The following GBGT1 variants were observed in gnomAD, a reference collection of about 807,000 sequenced individuals.
GBGT1 encodes the protein globoside alpha-1,3-N-acetylgalactosaminyltransferase 1 (FORS blood group), also known as globoside alpha-1,3-N-acetylgalactosaminyltransferase 1.
In GBGT1, 18 loss-of-function variants were observed where a neutral mutation model predicts 20.9. That is an observed-to-expected ratio of 0.86 (90% confidence interval 0.60 to 1.28). GBGT1 has a LOEUF of 1.28. Ranked by LOEUF, GBGT1 falls within the 50% of genes most tolerant of loss-of-function variation. The pLI is 0.00. For synonymous variants in GBGT1, 168 were observed against 180.8 expected (o/e 0.93, Z 0.57); for missense variants, 432 against 455.7 (o/e 0.95, Z 0.47).
At position 133,154,423 on chromosome 9, in the gene GBGT1, G is replaced by A. The variant is rs914508827; in HGVS notation, c.360-162C>T. ...TCCTCATTTGTCCAATTCCCAAAAT[G>A]CTAGTACCAGCCTCTTACGGCTGTT... On this transcript the variant is annotated intron_variant, in intron 6 of 6. Coordinates refer to ENST00000372040, the MANE Select transcript of GBGT1 (RefSeq NM_021996.6). This position sits in a 1 kb window ranked among gnomAD's most constrained non-coding sequence, Gnocchi z 4.2. The A allele has an allele frequency of 6.2e-6, 3 of 486,278 alleles. No homozygotes were observed. Among genetic ancestry groups the A allele is most frequent in the East Asian group, 6.2e-5 (2 of 32,372 alleles). The allele number at this position is 486,278 out of a possible 1,614,324, so 30.1% of individuals were successfully genotyped here. A position where few individuals can be genotyped will look rare whatever the true frequency, so the allele number is the denominator to read the frequency against.
At chr9:133,157,348 T>A (rs1832903028) in intron 3 of GBGT1, among the ~76,000 whole-genome samples, 3 of 151,278 alleles carry the variant, frequency 2.0e-5, no homozygotes, top group Admixed American at 2.0e-4. Flanking sequence ...CCTATCTGAG[T>A]TTCAGCTGCT....
In GBGT1 at chr9:133,155,277, G is replaced by A. The variant is rs185276552; in HGVS notation, c.260C>T (p.Ala87Val). 43 of 1,613,878 alleles carry A rather than the reference G, an allele frequency of 2.7e-5. No homozygotes were observed. The highest frequency in any genetic ancestry group is 3.0e-5 in the Non-Finnish European group (35 of 1,179,872). Reference protein sequence around the residue: ...TQLLTLTPWLAPIVSEGTFNP... With the variant: ...TQLLTLTPWLVPIVSEGTFNP... ...GAAGGTTCCCTCGGAGACGATGGGC[G>A]CCAACCAGGGTGTGAGTGTCAGCAG... The change falls in exon 6 of 7, where the codon GCG becomes GTG. Residue 87 changes from alanine to valine, a missense_variant. Ala to Val is a moderately conservative substitution (Grantham distance 64). Coordinates refer to ENST00000372040, the MANE Select transcript of GBGT1 (RefSeq NM_021996.6).
intron 3 of GBGT1, among the ~76,000 whole-genome samples, chr9:133,159,341 A>G (rs918522574): frequency 1.3e-5 from 2 of 152,334 alleles, no homozygotes; most frequent in Admixed American, 6.5e-5. Context: ...ACAAGAAAGC[A>G]TGTTTCAGGG....
intron 3 of GBGT1, 65 bp downstream of exon 3, chr9:133,161,402 T>G: frequency 1.1e-6 from 1 of 945,932 alleles, no homozygotes; most frequent in Non-Finnish European, 1.6e-6. Context: ...TTAAATACTC[T>G]CCTGTCTCCC....
chr9:133,158,957 CT>C (rs547491265), intron 3 of GBGT1, among the ~76,000 whole-genome samples: 40 of 149,740 alleles, frequency 2.7e-4, no homozygotes, highest in Middle Eastern at 3.4e-3. Context: ...TTAGTAGCTA[CT>C]TTTTTTTTTC....
In GBGT1 at chr9:133,163,627, G is replaced by C. The variant is rs144302908; in HGVS notation, c.-121+127C>G. 320 of 152,760 alleles carry C rather than the reference G, an allele frequency of 2.1e-3. 5 individuals are homozygous for C. In the East Asian group the frequency reaches 0.056, roughly 27 times the overall value. The allele number at this position is 152,760 out of a possible 1,614,324, so 9.5% of individuals were successfully genotyped here. The stretch of plus-strand genomic sequence containing the variant: ...GCGCCGCCGGCCCCAGTCCGTGGTC[G>C]GGACCCGGGACCCTGGGTCCGAGAT... On this transcript the variant is annotated intron_variant, in intron 1 of 6. Coordinates refer to ENST00000372040, the MANE Select transcript of GBGT1 (RefSeq NM_021996.6).
chr9:133,154,699 C>A lies in GBGT1; in HGVS notation c.360-438G>T, dbSNP rs568087086. 1.5e-4 allele frequency: 26 copies of A among 175,994 alleles called. No homozygotes were observed. The highest frequency in any genetic ancestry group is 2.2e-4 in the Non-Finnish European group (18 of 83,684). The allele number at this position is 175,994 out of a possible 1,614,324, so 10.9% of individuals were successfully genotyped here. ...ATGGAGGGGGGTGTGGTTGACACAGCCCTGCCCCCAGGCCAAAACTCATTG... is the reference window on the plus strand; with the variant it reads ...ATGGAGGGGGGTGTGGTTGACACAGACCTGCCCCCAGGCCAAAACTCATTG... On this transcript the variant is annotated intron_variant, in intron 6 of 6. Transcript: ENST00000372040. The surrounding 1 kb of genome is among the most constrained non-coding windows in gnomAD (Gnocchi z 4.2).
chr9:133,157,044 G>A (rs558318359), intron 3 of GBGT1, among the ~76,000 whole-genome samples: 3 of 152,320 alleles, frequency 2.0e-5, no homozygotes, highest in Admixed American at 6.5e-5. Flanking sequence ...AGCACTTTGG[G>A]GGCCCAACGC....
chr9:133,153,864 C>T lies in GBGT1; in HGVS notation c.757G>A (p.Asp253Asn), dbSNP rs559657174. The T allele has an allele frequency of 1.2e-6, 2 of 1,600,486 alleles. No individual in the cohort carries two copies. Among genetic ancestry groups the T allele is most frequent in the Admixed American group, 1.7e-5 (1 of 59,482 alleles). ...CCATAATAGAAGTCCCCTTCGCTGT[C>T]TGCCACAAAGGCAGTGGAAACACGC... ...RRRVSTAFVA[D>N]SEGDFYYGGA... The change falls in exon 7 of 7, where the codon GAC becomes AAC. Residue 253 changes from aspartate to asparagine, a missense_variant. Transcript: ENST00000372040.
rs77791418 is a variant in GBGT1 at position 133,157,064 on chromosome 9, G to T, written c.138-999C>A. Among the ~76,000 whole-genome samples the T allele has an allele frequency of 1.1e-3, 165 of 152,146 alleles. 2 individuals are homozygous for T. The East Asian group carries it at 0.028, about 26-fold the overall frequency. Reference sequence around the variant, plus strand: ...TTTGGGGGCCCAACGCGGGCAAAGCGCTTGAGCCCAGTAGTTCAAGACCAG... The same window carrying T: ...TTTGGGGGCCCAACGCGGGCAAAGCTCTTGAGCCCAGTAGTTCAAGACCAG... On this transcript the variant is annotated intron_variant, in intron 3 of 6. Coordinates refer to ENST00000372040, the MANE Select transcript of GBGT1 (RefSeq NM_021996.6).
At chr9:133,162,599 T>A in intron 1 of GBGT1, 67 bp from the exon 2 acceptor site, 1 of 604,242 alleles carries the variant, frequency 1.7e-6, no homozygotes, top group Non-Finnish European at 3.0e-6. Context: ...TGGAGTGCAG[T>A]GGCGCAATCT....
In GBGT1 at chr9:133,155,161, C is replaced by A; in HGVS notation, c.359+17G>T. On this transcript the variant is annotated intron_variant, in intron 6 of 6. Coordinates refer to ENST00000372040, the MANE Select transcript of GBGT1 (RefSeq NM_021996.6). ...GCTCAGGGAGACCTCCCTCCCCTTC[C>A]CCAGCCCACTACTCACTTCCCCACG... 6.2e-7 allele frequency: 1 copy of A among 1,611,520 alleles called. No individual in the cohort carries two copies. Among genetic ancestry groups the A allele is most frequent in the South Asian group, 1.1e-5 (1 of 91,024 alleles).
intron 4 of GBGT1, 34 bp downstream of exon 4, chr9:133,155,981 A>C (rs775740988): frequency 6.2e-7 from 1 of 1,613,668 alleles, no homozygotes; most frequent in South Asian, 1.1e-5. Context: ...CACCACCCTC[A>C]CGGCCACAAA....
At chr9:133,156,166 C>A in intron 3 of GBGT1, 101 bp from the exon 4 acceptor site, 1 of 1,326,922 alleles carries the variant, frequency 7.5e-7, no homozygotes, top group Non-Finnish European at 1.1e-6. Flanking sequence ...GGTGGGCACC[C>A]AGGGTCCATG....
intron 6 of GBGT1, 92 bp downstream of exon 6, chr9:133,155,086 G>T: frequency 8.4e-7 from 1 of 1,194,674 alleles, no homozygotes; most frequent in Non-Finnish European, 1.2e-6. Flanking sequence ...GCCCAGCAGG[G>T]TCCTGTGTGC....
rs56707169 is a variant in GBGT1, at chr9:133,160,281, TATAATA to T, written c.137+1180_137+1185del. The T allele has an allele frequency of 4.6e-3, 667 of 144,080 alleles. 2 individuals are homozygous for T. Among genetic ancestry groups the T allele is most frequent in the Non-Finnish European group, 7.0e-3 (467 of 66,630 alleles). The allele number at this position is 144,080 out of a possible 1,614,324, so 8.9% of individuals were successfully genotyped here. ...GTGGCAAAGCGAGACTCTGTCTCAATATAATAATAATAATAATAATAATAATAATAA... is the reference window on the plus strand; with the variant it reads ...GTGGCAAAGCGAGACTCTGTCTCAATATAATAATAATAATAATAATAATAA... On this transcript the variant is annotated intron_variant, in intron 3 of 6. Transcript: ENST00000372040.
chr9:133,162,636 G>A (rs1833090542), intron 1 of GBGT1, 104 bp from the exon 2 acceptor site: 9 of 562,496 alleles, frequency 1.6e-5, no homozygotes, highest in East Asian at 8.9e-5. Context: ...CTTCTCTTGG[G>A]TTCAAGCGAT....
chr9:133,157,053 G>A (rs1166787114), intron 3 of GBGT1, among the ~76,000 whole-genome samples: 1 of 152,168 alleles, frequency 6.6e-6, no homozygotes, highest in African/African-American at 2.4e-5. Flanking sequence ...GGGGCCCAAC[G>A]CGGGCAAAGC....
In GBGT1 at chr9:133,153,364, CT is replaced by C. The variant is rs777689467; in HGVS notation, c.*212del. ...CTTTGTAACTGCGCCTCCCCTCCCC[CT>C]GTCTCACTGTTCCCATGCCGCGTTA... is the stretch of plus-strand genomic sequence containing the variant. On this transcript the variant is annotated 3_prime_UTR_variant, in exon 7 of 7. Transcript: ENST00000372040. 6.1e-4 allele frequency: 243 copies of C among 395,474 alleles called. No homozygotes were observed. The highest frequency in any genetic ancestry group is 9.0e-4 in the Non-Finnish European group (201 of 224,048). The allele number at this position is 395,474 out of a possible 1,614,324, so 24.5% of individuals were successfully genotyped here. A position where few individuals can be genotyped will look rare whatever the true frequency, so the allele number is the denominator to read the frequency against.
Sources: allele counts gnomAD v4.1 joint callset (sites outside exome capture counted in the v4.1 genomes callset), GRCh38; gene constraint gnomAD v4.1.1; non-coding constraint Gnocchi (gnomAD v3.1); transcripts MANE v1.5; gene names NCBI Gene and HGNC (gene_info 2026-07-23, HGNC 2026-07-21).